TRMT9B: variants seen among roughly 807,000 people sequenced by gnomAD.
TRMT9B encodes the protein tRNA methyltransferase 9B (putative), also known as probable tRNA methyltransferase 9B.
In TRMT9B, 16 loss-of-function variants were observed where a neutral mutation model predicts 11.5. The observed-to-expected ratio is 1.39, with a 90% CI of 0.94 to 2.11. The LOEUF is 2.11. TRMT9B is among the 30% of genes most tolerant of loss of function. TRMT9B has a pLI of 0.00. For missense variants in TRMT9B, 941 were observed against 553.8 expected, an observed-to-expected ratio of 1.70 and a Z score of -7.02; for synonymous variants, 274 against 192.4, an observed-to-expected ratio of 1.42 and a Z score of -3.51.
At chr8:12,989,942 TAG>T (rs1222079418) in intron 1 of TRMT9B, among the ~76,000 whole-genome samples, 1 of 152,186 alleles carries the variant, frequency 6.6e-6, no homozygotes, top group Non-Finnish European at 1.5e-5. Flanking sequence ...TTCTGAAGAC[TAG>T]AGAGAAGTTT....
intron 3 of TRMT9B, among the ~76,000 whole-genome samples, chr8:13,007,912 C>G (rs1440014095): frequency 6.6e-6 from 1 of 152,078 alleles, no homozygotes; most frequent in Non-Finnish European, 1.5e-5. Context: ...TTCTCAGAGG[C>G]AAAATGCCTA....
intron 2 of TRMT9B, among the ~76,000 whole-genome samples, chr8:13,000,257 A>G (rs941298692): frequency 3.9e-5 from 6 of 152,188 alleles, no homozygotes; most frequent in African/African-American, 1.4e-4. Context: ...TCTGAATTCA[A>G]GTAGGTAGAA....
At chr8:13,006,635 C>T in intron 3 of TRMT9B, 1 of 1,357,708 alleles carries the variant, frequency 7.4e-7, no homozygotes, top group Non-Finnish European at 9.4e-7. Flanking sequence ...ACAGTCAAGT[C>T]AGCAGCAAGT....
chr8:13,020,100 A>G (rs774287858), intron 4 of TRMT9B, among the ~76,000 whole-genome samples: 1 of 152,184 alleles, frequency 6.6e-6, no homozygotes, highest in Non-Finnish European at 1.5e-5. Context: ...AATCACCACT[A>G]ACAGTTGGAT....
At chr8:12,978,730 C>T (rs1236637173) in intron 1 of TRMT9B, among the ~76,000 whole-genome samples, 1 of 152,198 alleles carries the variant, frequency 6.6e-6, no homozygotes, top group East Asian at 1.9e-4. Context: ...AGCGTCTCAA[C>T]TCTGGTTAGG....
chr8:12,965,597 A>G (rs1802703966), intron 1 of TRMT9B, among the ~76,000 whole-genome samples: 1 of 151,584 alleles, frequency 6.6e-6, no homozygotes, highest in African/African-American at 2.4e-5. Context: ...TAGGATCCCA[A>G]AAGGCTTAGT....
At chr8:12,988,917 C>T (rs1806817884) in intron 1 of TRMT9B, among the ~76,000 whole-genome samples, 1 of 152,106 alleles carries the variant, frequency 6.6e-6, no homozygotes, top group Non-Finnish European at 1.5e-5. Flanking sequence ...AGTTCTACTG[C>T]ACTTTAATTT....
intron 4 of TRMT9B, among the ~76,000 whole-genome samples, chr8:13,013,362 GT>G (rs1812013230): frequency 1.3e-5 from 2 of 152,104 alleles, no homozygotes; most frequent in Non-Finnish European, 2.9e-5. Flanking sequence ...GGATTGCATT[GT>G]TTTTATAATG....
intron 1 of TRMT9B, among the ~76,000 whole-genome samples, chr8:12,967,700 A>T (rs1311834950): frequency 6.6e-6 from 1 of 152,204 alleles, no homozygotes; most frequent in East Asian, 1.9e-4. Flanking sequence ...AGAATTACTC[A>T]TCCACTTAAA....
intron 2 of TRMT9B, among the ~76,000 whole-genome samples, chr8:13,005,279 C>T (rs548273196): frequency 1.3e-5 from 2 of 151,946 alleles, no homozygotes; most frequent in African/African-American, 4.8e-5. Flanking sequence ...AGGATGGTTA[C>T]GAGAGGCTGC....
intron 3 of TRMT9B, chr8:13,010,179 C>A: frequency 1.2e-6 from 1 of 802,118 alleles, no homozygotes; most frequent in Non-Finnish European, 1.5e-6. Flanking sequence ...TCTTTAAATA[C>A]CTCTGTGCAA....
chr8:12,950,647 T>C (rs1476461693), intron 1 of TRMT9B, among the ~76,000 whole-genome samples: 2 of 151,750 alleles, frequency 1.3e-5, no homozygotes, highest in African/African-American at 4.9e-5. Context: ...CAAACAAAGG[T>C]TTCCCCCACT....
chr8:12,948,209 C>T (rs1800360629), intron 1 of TRMT9B, among the ~76,000 whole-genome samples: 1 of 152,010 alleles, frequency 6.6e-6, no homozygotes, highest in African/African-American at 2.4e-5. Flanking sequence ...TGCAATTGGG[C>T]AAAACCATCT....
chr8:13,001,429 C>A lies in TRMT9B; in HGVS notation c.-1-4773C>A, dbSNP rs112520185. Among the ~76,000 whole-genome samples the A allele has an allele frequency of 6.1e-3, 930 of 152,290 alleles. 12 individuals are homozygous for A. Among genetic ancestry groups the A allele is most frequent in the African/African-American group, 0.02 (817 of 41,556 alleles). ...CATCCTTCTGACTTCCTAGTTAAAACGTTTACCGTCTCATACTTTTAGTCT... is the reference window on the plus strand; with the variant it reads ...CATCCTTCTGACTTCCTAGTTAAAAAGTTTACCGTCTCATACTTTTAGTCT... On this transcript the variant is annotated intron_variant, in intron 2 of 4. Transcript: ENST00000524591.
intron 2 of TRMT9B, among the ~76,000 whole-genome samples, chr8:12,994,839 G>A (rs533798078): frequency 6.6e-6 from 1 of 152,132 alleles, no homozygotes; most frequent in Non-Finnish European, 1.5e-5. Context: ...GCACCACCAT[G>A]CCCGGCTAAT....
At chr8:12,979,743 T>C (rs1353008384) in intron 1 of TRMT9B, among the ~76,000 whole-genome samples, 3 of 152,188 alleles carry the variant, frequency 2.0e-5, no homozygotes, top group African/African-American at 7.2e-5. Context: ...ATATTTATCT[T>C]GGAATGGCCG....
Position 13,029,325 on chromosome 8 carries a change from CA to C in TRMT9B, c.*7282del, listed in dbSNP as rs1177963432. The C allele has an allele frequency of 1.2e-5, 2 of 166,920 alleles. No individual in the cohort carries two copies. Among genetic ancestry groups the C allele is most frequent in the African/African-American group, 4.8e-5 (2 of 41,406 alleles). The allele number at this position is 166,920 out of a possible 1,614,324, so 10.3% of individuals were successfully genotyped here. On this transcript the variant is annotated 3_prime_UTR_variant, in exon 5 of 5. Coordinates refer to ENST00000524591, the MANE Select transcript of TRMT9B (RefSeq NM_020844.3). ...AATGTACAGTTATTTTGACTTTTCC[CA>C]GGGGAAGCTAGCAATAGTTTTAAAA...
At chr8:13,018,125 G>C (rs1337103448) in intron 4 of TRMT9B, among the ~76,000 whole-genome samples, 2 of 144,578 alleles carry the variant, frequency 1.4e-5, no homozygotes, top group Non-Finnish European at 3.0e-5. Flanking sequence ...AACTTGGCCA[G>C]GCGTGGTGGT....
At chr8:12,993,864 C>T (rs918830273) in intron 2 of TRMT9B, among the ~76,000 whole-genome samples, 1 of 152,166 alleles carries the variant, frequency 6.6e-6, no homozygotes, top group African/African-American at 2.4e-5. Flanking sequence ...TCAACTAAAG[C>T]AAGAAGGAGG....
Sources: allele counts gnomAD v4.1 joint callset (sites outside exome capture counted in the v4.1 genomes callset), GRCh38; gene constraint gnomAD v4.1.1; transcripts MANE v1.5; gene names NCBI Gene and HGNC (gene_info 2026-07-23, HGNC 2026-07-21).